Variants in CSMD2 observed in about 807,000 individuals in gnomAD.
CSMD2 encodes CUB and Sushi multiple domains 2, also known as CUB and sushi domain-containing protein 2.
Under a neutral mutation model 398.5 loss-of-function variants are expected in CSMD2, and 130 were observed. That is an observed-to-expected ratio of 0.33 (90% CI 0.28 to 0.38). The LOEUF (loss-of-function observed/expected upper bound fraction) is 0.38, where lower values mean the gene tolerates loss of function less well. CSMD2 is among the 10% of genes least tolerant of loss of function. The probability of loss-of-function intolerance (pLI) is 1.00; values close to 1 mark genes in which losing one functional copy is unlikely to be tolerated. For missense variants in CSMD2, 3,829 were observed against 4,764.9 expected (o/e 0.80, Z 5.78); for synonymous variants, 1,828 against 1,908.5 (o/e 0.96, Z 1.10).
At position 33,580,964 on chromosome 1, in the gene CSMD2, C is replaced by T. The variant is rs973389574; in HGVS notation, c.7241-65G>A. 12 of 1,552,146 alleles carry T rather than the reference C, an allele frequency of 7.7e-6. No homozygotes were observed. The African/African-American group carries it at 1.4e-4, about 18-fold the overall frequency. On this transcript the variant is annotated intron_variant, in intron 47 of 70. Transcript: ENST00000373381. ...CATCACAGGGAGCCTCCAGGGAAGA[C>T]CTCAGGGCTCAGAGGGTGGGGTGAC...
chr1:33,852,913 T>C (rs1638819672), intron 5 of CSMD2, among the ~76,000 whole-genome samples: 1 of 152,194 alleles, frequency 6.6e-6, no homozygotes, highest in Non-Finnish European at 1.5e-5. Context: ...AGTTAAGGAG[T>C]TGTGCAAGAT....
At chr1:33,750,609 A>G (rs1225487579) in intron 13 of CSMD2, among the ~76,000 whole-genome samples, 1 of 152,210 alleles carries the variant, frequency 6.6e-6, no homozygotes, top group African/African-American at 2.4e-5. Flanking sequence ...TAAAGCTGTA[A>G]TAATATAATT....
chr1:33,519,341 A>G lies in CSMD2; in HGVS notation c.*53+124T>C. On this transcript the variant is annotated intron_variant, in intron 70 of 70. Transcript: ENST00000373381. This position sits in a 1 kb window ranked among gnomAD's most constrained non-coding sequence, Gnocchi z 5.6. ...CCTGTTACACAATGATGCTCAATGC[A>G]CAGCTCTCCTCTTACTGGGTGTGTC... The G allele has an allele frequency of 1.6e-6, 1 of 622,198 alleles. No homozygotes were observed. The highest frequency in any genetic ancestry group is 2.9e-5 in the Admixed American group (1 of 34,544). 38.5% of individuals were successfully genotyped at this position (622,198 alleles called of 1,614,324 possible).
At chr1:33,906,698 A>G (rs1403882371) in intron 5 of CSMD2, among the ~76,000 whole-genome samples, 1 of 152,134 alleles carries the variant, frequency 6.6e-6, no homozygotes, top group African/African-American at 2.4e-5. Context: ...AGTTGGAGAT[A>G]TTGGTGGTCC....
At chr1:34,104,254 T>C (rs1660304159) in intron 1 of CSMD2, among the ~76,000 whole-genome samples, 1 of 152,200 alleles carries the variant, frequency 6.6e-6, no homozygotes, top group Non-Finnish European at 1.5e-5. Context: ...TTTTTATACA[T>C]TCATCTCACA....
chr1:34,026,750 T>C (rs188091139), intron 3 of CSMD2, among the ~76,000 whole-genome samples: 1 of 152,184 alleles, frequency 6.6e-6, no homozygotes, highest in African/African-American at 2.4e-5. Context: ...AGGTGGGAAG[T>C]CTGGGGCTAG....
intron 1 of CSMD2, among the ~76,000 whole-genome samples, chr1:34,144,801 AC>A (rs1157531928): frequency 3.9e-5 from 6 of 152,154 alleles, no homozygotes; most frequent in Non-Finnish European, 8.8e-5. Flanking sequence ...GGGTTCCCAG[AC>A]CCCTGTGGCT....
In CSMD2 at chr1:33,682,658, A is replaced by G. The variant is rs926037307; in HGVS notation, c.4052+10272T>C. On this transcript the variant is annotated intron_variant, in intron 25 of 70. Transcript: ENST00000373381. ...ATATTTTATAGAATGAGGGATGACT[A>G]TGTACTTGCCTGTGTGAGTCGGTTT... Among the ~76,000 whole-genome samples the G allele has an allele frequency of 2.6e-5, 4 of 152,126 alleles. 1 individual carries two copies. Among genetic ancestry groups the G allele is most frequent in the Non-Finnish European group, 5.9e-5 (4 of 68,024 alleles).
At chr1:33,742,047 G>C (rs1329535304) in intron 14 of CSMD2, among the ~76,000 whole-genome samples, 2 of 152,358 alleles carry the variant, frequency 1.3e-5, no homozygotes, top group East Asian at 3.9e-4. Flanking sequence ...CTCCTTTCTA[G>C]TGTGAAGCAG....
chr1:33,996,655 G>A (rs1057102933), intron 3 of CSMD2, among the ~76,000 whole-genome samples: 1 of 152,118 alleles, frequency 6.6e-6, no homozygotes, highest in Non-Finnish European at 1.5e-5. Flanking sequence ...GGACTTGTGT[G>A]CCTCTCCTGG....
In CSMD2 at chr1:33,635,153, C is replaced by A; in HGVS notation, c.5086+61G>T. 9.6e-7 allele frequency: 1 copy of A among 1,044,826 alleles called. No homozygotes were observed. Among genetic ancestry groups the A allele is most frequent in the South Asian group, 1.4e-5 (1 of 72,240 alleles). The allele number at this position is 1,044,826 out of a possible 1,614,324, so 64.7% of individuals were successfully genotyped here. A position where few individuals can be genotyped will look rare whatever the true frequency, so the allele number is the denominator to read the frequency against. On this transcript the variant is annotated intron_variant, in intron 31 of 70. Coordinates refer to ENST00000373381, the MANE Select transcript of CSMD2 (RefSeq NM_001281956.2). The surrounding 1 kb of genome is among the most constrained non-coding windows in gnomAD (Gnocchi z 5.0). ...ATTGGGAGGCGTCTGAGGAATTGCT[C>A]ATTTTGGAATGAGGGTGAGGAGTCA...
chr1:33,913,552 A>G (rs1643573070), intron 5 of CSMD2, among the ~76,000 whole-genome samples: 1 of 152,242 alleles, frequency 6.6e-6, no homozygotes, highest in East Asian at 1.9e-4. Context: ...TCACCCTCTC[A>G]AAGTGTTTTG....
rs111849810 is a variant in CSMD2, at chr1:33,633,773, T to C, written c.5087-238A>G. The stretch of plus-strand genomic sequence containing the variant: ...GGCCTTCACAAGGGTCAAGACAACA[T>C]GGAGGGCTGCACCCAAAGGTCAGGC... On this transcript the variant is annotated intron_variant, in intron 31 of 70. Coordinates refer to ENST00000373381, the MANE Select transcript of CSMD2 (RefSeq NM_001281956.2). This position sits in a 1 kb window ranked among gnomAD's most constrained non-coding sequence, Gnocchi z 5.0. Among the ~76,000 whole-genome samples, 1 of 152,096 alleles carries C rather than the reference T, an allele frequency of 6.6e-6. No homozygotes were observed. Among genetic ancestry groups the C allele is most frequent in the African/African-American group, 2.4e-5 (1 of 41,408 alleles).
intron 5 of CSMD2, chr1:33,864,851 G>A: frequency 1.0e-6 from 1 of 1,004,544 alleles, no homozygotes; most frequent in South Asian, 1.7e-5. Flanking sequence ...CTTTGTGGAG[G>A]AGGGAGTGGC....
chr1:33,611,679 T>G (rs991942476), intron 40 of CSMD2, among the ~76,000 whole-genome samples: 3 of 152,238 alleles, frequency 2.0e-5, no homozygotes, highest in Middle Eastern at 6.3e-3. Context: ...AGAACTCTTA[T>G]GATAATTCAG....
intron 1 of CSMD2, among the ~76,000 whole-genome samples, chr1:34,135,242 TCACA>T (rs66898227): frequency 0.39 from 53,099 of 135,376 alleles, 10,147 homozygotes; most frequent in East Asian, 0.56. Flanking sequence ...CATGTTGAAA[TCACA>T]CACACACACA....
At chr1:33,678,579 T>C (rs776552236) in intron 25 of CSMD2, among the ~76,000 whole-genome samples, 6 of 152,034 alleles carry the variant, frequency 3.9e-5, no homozygotes, top group Non-Finnish European at 8.8e-5. Flanking sequence ...ATCACTCCTG[T>C]CCCCACATGA....
intron 2 of CSMD2, among the ~76,000 whole-genome samples, chr1:34,081,564 G>A (rs770774129): frequency 3.9e-3 from 588 of 152,206 alleles, no homozygotes; most frequent in Middle Eastern, 0.01. Flanking sequence ...GATCGCAGGC[G>A]CGCGCCGCCA....
Position 33,748,435 on chromosome 1 carries a change from G to A in CSMD2, c.1847-4829C>T, listed in dbSNP as rs78455655. Among the ~76,000 whole-genome samples, 414 of 152,216 alleles carry A rather than the reference G, an allele frequency of 2.7e-3. 6 individuals carry two copies. In the East Asian group the frequency reaches 0.039, roughly 14 times the overall value. On this transcript the variant is annotated intron_variant, in intron 13 of 70. Transcript: ENST00000373381. Reference sequence around the variant, plus strand: ...TCGACTAAACTTTTAAGTCAGAAGCGTCAGACTGTTGACAAATAATAAAGG... The same window carrying A: ...TCGACTAAACTTTTAAGTCAGAAGCATCAGACTGTTGACAAATAATAAAGG...
Sources: gnomAD v4.1 joint callset for allele counts (sites outside exome capture counted in the v4.1 genomes callset) on GRCh38, gnomAD v4.1.1 for gene constraint, Gnocchi (gnomAD v3.1) non-coding constraint, MANE v1.5 for transcripts, NCBI Gene and HGNC (gene_info 2026-07-23, HGNC 2026-07-21) for gene names.